The following SYN3 variants were observed in gnomAD, a reference collection of about 807,000 sequenced individuals.
SYN3 encodes synapsin-3.
Under a neutral mutation model 65.8 loss-of-function variants are expected in SYN3, and 35 were observed. The ratio of observed to expected loss-of-function variants is 0.53; its 90% CI spans 0.41 to 0.70. The LOEUF (loss-of-function observed/expected upper bound fraction) is 0.70, where lower values mean the gene tolerates loss of function less well. Among genes scored for constraint, SYN3 ranks in the 30% least tolerant of loss-of-function variants. The probability of loss-of-function intolerance (pLI) is 0.00; values close to 1 mark genes in which losing one functional copy is unlikely to be tolerated. For missense variants in SYN3, 680 were observed against 749.0 expected, an observed-to-expected ratio of 0.91 and a Z score of 1.08; for synonymous variants, 270 against 292.9, an observed-to-expected ratio of 0.92 and a Z score of 0.80.
intron 6 of SYN3, among the ~76,000 whole-genome samples, chr22:32,650,219 C>T (rs1451286811): frequency 2.6e-4 from 32 of 121,890 alleles, no homozygotes; most frequent in Middle Eastern, 4.1e-3. Context: ...TTTTCTTTCT[C>T]TCTCTCTCTC....
chr22:32,980,742 T>C (rs2052347548), intron 2 of SYN3, 40 bp from the exon 3 acceptor site: 1 of 1,593,016 alleles, frequency 6.3e-7, no homozygotes, highest in Non-Finnish European at 8.6e-7. Context: ...GGATGCAGGC[T>C]GTTTTACTCT....
At chr22:32,888,560 C>T (rs764630418) in intron 4 of SYN3, among the ~76,000 whole-genome samples, 3 of 152,010 alleles carry the variant, frequency 2.0e-5, no homozygotes, top group Non-Finnish European at 4.4e-5. Context: ...TTTTCATTTT[C>T]CTGATGATCA....
chr22:32,596,536 T>G, intron 7 of SYN3, 138 bp downstream of exon 7: 1 of 780,110 alleles, frequency 1.3e-6, no homozygotes. Flanking sequence ...GGGAAGGAGA[T>G]GTACTATGGA....
intron 3 of SYN3, among the ~76,000 whole-genome samples, chr22:32,963,486 G>A (rs80167488): frequency 0.014 from 2,124 of 152,216 alleles, 50 homozygotes; most frequent in African/African-American, 0.049. Flanking sequence ...AGGTTCTAGA[G>A]AGATGGAGAA....
intron 6 of SYN3, among the ~76,000 whole-genome samples, chr22:32,818,660 C>T (rs546517951): frequency 1.8e-4 from 28 of 152,316 alleles, no homozygotes; most frequent in African/African-American, 4.3e-4. Flanking sequence ...TCCCCTCCGG[C>T]GCTGGGCCTC....
At chr22:32,732,302 T>C (rs2061281306) in intron 6 of SYN3, among the ~76,000 whole-genome samples, 1 of 152,166 alleles carries the variant, frequency 6.6e-6, no homozygotes, top group African/African-American at 2.4e-5. Context: ...ACCAATGGAT[T>C]TAATCAGATC....
At chr22:32,908,551 A>G (rs1398854559) in intron 4 of SYN3, among the ~76,000 whole-genome samples, 1 of 151,822 alleles carries the variant, frequency 6.6e-6, no homozygotes, top group African/African-American at 2.4e-5. Context: ...TCCACATCTG[A>G]CCCAAGGCCA....
At chr22:32,854,425 C>A (rs1466281775) in intron 6 of SYN3, among the ~76,000 whole-genome samples, 1 of 152,150 alleles carries the variant, frequency 6.6e-6, no homozygotes, top group South Asian at 2.1e-4. Flanking sequence ...CCACGAAGCA[C>A]TAGGGCAGTC....
chr22:32,531,230 T>C (rs2058066703), intron 10 of SYN3, among the ~76,000 whole-genome samples: 1 of 146,244 alleles, frequency 6.8e-6, no homozygotes, highest in African/African-American at 2.5e-5. Context: ...AGGTCGTACC[T>C]GGGACTGAGG....
chr22:32,982,718 A>G (rs1000657573), intron 2 of SYN3, among the ~76,000 whole-genome samples: 5 of 152,232 alleles, frequency 3.3e-5, no homozygotes, highest in Admixed American at 3.3e-4. Flanking sequence ...CTTAACACAT[A>G]GTAGGAAATT....
At chr22:32,833,915 A>G (rs1217579838) in intron 6 of SYN3, 2 of 496,492 alleles carry the variant, frequency 4.0e-6, no homozygotes, top group South Asian at 2.9e-5. Context: ...TAGAATTAGT[A>G]TTGTAATCAT....
At chr22:32,835,143 C>CTAAT (rs1464358273) in intron 6 of SYN3, among the ~76,000 whole-genome samples, 1 of 152,148 alleles carries the variant, frequency 6.6e-6, no homozygotes, top group African/African-American at 2.4e-5. Flanking sequence ...AATGTTGCAG[C>CTAAT]TAATTGCACA....
intron 1 of SYN3, among the ~76,000 whole-genome samples, chr22:33,031,122 G>A (rs2053749023): frequency 6.6e-6 from 1 of 152,244 alleles, no homozygotes; most frequent in African/African-American, 2.4e-5. Context: ...CTAAGGCAGG[G>A]CAGATGGCCA....
intron 6 of SYN3, among the ~76,000 whole-genome samples, chr22:32,834,098 A>C (rs1020814397): frequency 6.6e-6 from 1 of 151,836 alleles, no homozygotes; most frequent in Non-Finnish European, 1.5e-5. Context: ...CTGTTATTCC[A>C]GCCAGGAACA....
intron 3 of SYN3, among the ~76,000 whole-genome samples, chr22:32,974,333 G>T (rs983883679): frequency 6.6e-6 from 1 of 152,196 alleles, no homozygotes; most frequent in Non-Finnish European, 1.5e-5. Flanking sequence ...TCTGAAAGAT[G>T]GAGGTGATAA....
chr22:32,556,987 C>T (rs1394292915), intron 7 of SYN3, among the ~76,000 whole-genome samples: 1 of 151,836 alleles, frequency 6.6e-6, no homozygotes, highest in Non-Finnish European at 1.5e-5. Context: ...AAAAAGTCCA[C>T]ACTTTAGGAA....
At chr22:32,654,063 C>A (rs2060109261) in intron 6 of SYN3, among the ~76,000 whole-genome samples, 1 of 152,216 alleles carries the variant, frequency 6.6e-6, no homozygotes, top group Non-Finnish European at 1.5e-5. Flanking sequence ...GGGCCCAGTA[C>A]CCACACTGGG....
intron 6 of SYN3, among the ~76,000 whole-genome samples, chr22:32,802,864 G>A (rs2046627255): frequency 6.6e-6 from 1 of 152,190 alleles, no homozygotes; most frequent in Non-Finnish European, 1.5e-5. Flanking sequence ...GGGAGGGGGA[G>A]AATGGGTAGT....
At position 32,797,444 on chromosome 22, in the gene SYN3, G is replaced by A. The variant is rs142218502; in HGVS notation, c.711+67471C>T. 7.2e-5 allele frequency among the ~76,000 whole-genome samples: 11 copies of A among 152,306 alleles called. No individual in the cohort carries two copies. The East Asian group carries it at 2.1e-3, about 29-fold the overall frequency. ...GGGATACATGGGAGGGGAATCAGAGGAGGTTTCCCGGAGGAGGTGACATCT... is the reference window on the plus strand; with the variant it reads ...GGGATACATGGGAGGGGAATCAGAGAAGGTTTCCCGGAGGAGGTGACATCT... On this transcript the variant is annotated intron_variant, in intron 6 of 13. Transcript: ENST00000358763.
Sources: allele counts gnomAD v4.1 joint callset (sites outside exome capture counted in the v4.1 genomes callset), GRCh38; gene constraint gnomAD v4.1.1; transcripts MANE v1.5; gene names NCBI Gene and HGNC (gene_info 2026-07-23, HGNC 2026-07-21).